The following GALNT15 variants were observed in gnomAD, a reference collection of about 807,000 sequenced individuals.
The protein encoded by GALNT15 is polypeptide N-acetylgalactosaminyltransferase 15, also known as UDP-GalNAc transferase T15.
In GALNT15, 67 loss-of-function variants were observed where a neutral mutation model predicts 66.8. The ratio of observed to expected loss-of-function variants is 1.00; its 90% confidence interval spans 0.82 to 1.23. GALNT15 has a LOEUF of 1.23. Ranked by LOEUF, GALNT15 falls within the 50% of genes most tolerant of loss-of-function variation. The pLI, the probability that GALNT15 is intolerant of heterozygous loss-of-function variation, is 0.00. For synonymous variants in GALNT15, 313 were observed against 311.5 expected (o/e 1.00, Z -0.05); for missense variants, 827 against 804.3 (o/e 1.03, Z -0.34).
At chr3:16,238,791 G>C in the GALNT15 span, among the ~76,000 whole-genome samples, 2 of 152,158 alleles carry the variant, frequency 1.3e-5, no homozygotes, top group African/African-American at 4.8e-5. This position sits in a 1 kb window ranked among gnomAD's most constrained non-coding sequence, Gnocchi z 4.8. Context: ...GTAAAAATAA[G>C]GGCCAGGTTG....
rs772161704 is a variant in GALNT15 at position 16,222,732 on chromosome 3, C to T, written c.1747C>T (p.His583Tyr). 6.2e-7 allele frequency: 1 copy of T among 1,614,180 alleles called. No homozygotes were observed. The highest frequency in any genetic ancestry group is 1.1e-5 in the South Asian group (1 of 91,076). The change falls in exon 9 of 10, where the codon CAC (histidine) becomes TAC (tyrosine). Residue 583 changes from histidine (H) to tyrosine (Y), a missense_variant. Physicochemically the swap from His to Tyr is moderately conservative, Grantham distance 83. Transcript: ENST00000339732. ...QNCTEEGLAI[H>Y]QQHWDFQENG... ...CTGCACGGAGGAAGGCCTGGCCATC[C>T]ACCAGCAGCACTGGGACTTCCAGGA...
chr3:16,236,130 A>AAAAAAAAAC, downstream of GALNT15, among the ~76,000 whole-genome samples: 1 of 147,518 alleles, frequency 6.8e-6, no homozygotes, highest in Non-Finnish European at 1.5e-5. Context: ...AAAAAAAAAA[A>AAAAAAAAAC]AGGACTGGGC....
At chr3:16,238,300 G>C in the GALNT15 span, among the ~76,000 whole-genome samples, 1 of 141,492 alleles carries the variant, frequency 7.1e-6, no homozygotes. This position sits in a 1 kb window ranked among gnomAD's most constrained non-coding sequence, Gnocchi z 4.8. Flanking sequence ...CCAAACATAT[G>C]TATTCACTGC....
rs1241819130 is a variant in GALNT15 at position 16,193,506 on chromosome 3, G to C, written c.540-2254G>C. Among the ~76,000 whole-genome samples, 1 of 152,108 alleles carries C rather than the reference G, an allele frequency of 6.6e-6. No homozygotes were observed. Among genetic ancestry groups the C allele is most frequent in the East Asian group, 1.9e-4 (1 of 5,192 alleles). ...ATTAGCTCCTTTATGAGATGTTTAT[G>C]TGTTTTTAAAAATTATTTAGGAATT... On this transcript the variant is annotated intron_variant, in intron 1 of 9. Transcript: ENST00000339732. This position sits in a 1 kb window ranked among gnomAD's most constrained non-coding sequence, Gnocchi z 4.7.
rs369518607 is a variant in GALNT15 at position 16,212,656 on chromosome 3, G to A, written c.1285G>A (p.Asp429Asn). ...AAATCAGGATTCCCATTCCCCCCTC[G>A]ACCAGGAGGCCACCCTGAGGAACAG... Reference protein sequence around the residue: ...YQNQDSHSPLDQEATLRNRVR... With the variant: ...YQNQDSHSPLNQEATLRNRVR... Residue 429 changes from aspartate (D) to asparagine (N), a missense_variant, in exon 6 of 10, where the codon GAC becomes AAC. Physicochemically the swap from Asp to Asn is conservative, Grantham distance 23 (BLOSUM62 1). Transcript: ENST00000339732. 2.0e-5 allele frequency: 33 copies of A among 1,613,598 alleles called. No individual in the cohort carries two copies. The highest frequency in any genetic ancestry group is 1.2e-4 in the African/African-American group (9 of 74,762).
chr3:16,216,677 G>A (rs866945546), intron 6 of GALNT15, among the ~76,000 whole-genome samples: 5 of 152,290 alleles, frequency 3.3e-5, no homozygotes, highest in Non-Finnish European at 4.4e-5. Flanking sequence ...TTCCCCTGGC[G>A]GGGGCTGTTC....
rs2063913954 is a variant in GALNT15 at position 16,219,198 on chromosome 3, A to G, written c.1393-205A>G. 6.6e-6 allele frequency among the ~76,000 whole-genome samples: 1 copy of G among 152,116 alleles called. No individual in the cohort carries two copies. Among genetic ancestry groups the G allele is most frequent in the Non-Finnish European group, 1.5e-5 (1 of 68,022 alleles). ...TCTTGCTGGTTCCACAACTCTCTGT[A>G]GGGAAGATCTGTGCTATTCTATCCC... is the stretch of plus-strand genomic sequence containing the variant. On this transcript the variant is annotated intron_variant, in intron 6 of 9. Transcript: ENST00000339732. This position sits in a 1 kb window ranked among gnomAD's most constrained non-coding sequence, Gnocchi z 4.3.
intron 4 of GALNT15, among the ~76,000 whole-genome samples, 179 bp from the exon 5 acceptor site, chr3:16,210,945 T>C (rs1021247987): frequency 6.6e-6 from 1 of 152,172 alleles, no homozygotes; most frequent in African/African-American, 2.4e-5. Context: ...CATCAAACAC[T>C]GGGATTTCTG....
At chr3:16,248,034 A>G in the GALNT15 span, among the ~76,000 whole-genome samples, 536 of 152,152 alleles carry the variant, frequency 3.5e-3, 2 homozygotes, top group African/African-American at 0.013. This position sits in a 1 kb window ranked among gnomAD's most constrained non-coding sequence, Gnocchi z 4.9. Flanking sequence ...CACCTGCTCC[A>G]TTTTCACTAC....
chr3:16,228,956 T>A lies in GALNT15; in HGVS notation c.*1456T>A, dbSNP rs2064052974. 1.0e-6 allele frequency: 1 copy of A among 985,338 alleles called. No homozygotes were observed. The highest frequency in any genetic ancestry group is 1.7e-5 in the African/African-American group (1 of 57,242). The allele number at this position is 985,338 out of a possible 1,614,324, so 61.0% of individuals were successfully genotyped here. ...GTAAGAGCTAAATGACTTTCCTTGC[T>A]ATGACTTGGCTTACCTGAATTAGCT... On this transcript the variant is annotated 3_prime_UTR_variant, in exon 10 of 10. Transcript: ENST00000339732.
the GALNT15 span, among the ~76,000 whole-genome samples, chr3:16,243,834 G>T: frequency 1.3e-5 from 2 of 152,184 alleles, no homozygotes; most frequent in South Asian, 4.1e-4. Flanking sequence ...GGAGCTATTT[G>T]GTCATTTTCA....
At position 16,227,388 on chromosome 3, in the gene GALNT15, G is replaced by A; in HGVS notation, c.1808G>A (p.Cys603Tyr). The change falls in exon 10 of 10, where the codon TGC (cysteine) becomes TAC (tyrosine). Residue 603 changes from cysteine to tyrosine, a missense_variant. Coordinates refer to ENST00000339732, the MANE Select transcript of GALNT15 (RefSeq NM_054110.5). This position sits in a 1 kb window ranked among gnomAD's most constrained non-coding sequence, Gnocchi z 4.5. ...ATTGTCCACATTCTTTCTGGGAAAT[G>A]CATGGAAGCTGTGGTGCAAGAAAAC... ...GMIVHILSGKCMEAVVQENNK... is the reference protein window; with the variant it reads ...GMIVHILSGKYMEAVVQENNK... 1 of 1,614,000 alleles carries A rather than the reference G, an allele frequency of 6.2e-7. No individual in the cohort carries two copies. Among genetic ancestry groups the A allele is most frequent in the East Asian group, 2.2e-5 (1 of 44,884 alleles).
chr3:16,222,589 G>A lies in GALNT15; in HGVS notation c.1630-26G>A, dbSNP rs376531926. The A allele has an allele frequency of 3.5e-5, 56 of 1,613,846 alleles. No individual in the cohort carries two copies. The African/African-American group carries it at 4.4e-4, about 13-fold the overall frequency. ...TTGAAGAGGATCTCTTTCTAGCTGCGCTAACAACTATTGCTTCTGTCACAG... is the reference window on the plus strand; with the variant it reads ...TTGAAGAGGATCTCTTTCTAGCTGCACTAACAACTATTGCTTCTGTCACAG... On this transcript the variant is annotated intron_variant, in intron 8 of 9. Coordinates refer to ENST00000339732, the MANE Select transcript of GALNT15 (RefSeq NM_054110.5).
intron 1 of GALNT15, among the ~76,000 whole-genome samples, chr3:16,194,703 CATT>C (rs1253642096): frequency 1.3e-5 from 2 of 152,158 alleles, no homozygotes; most frequent in African/African-American, 4.8e-5. Flanking sequence ...AGCTGGAAAA[CATT>C]ATCCTCAGCA....
At chr3:16,231,510 C>T (rs1285271567), downstream of GALNT15, among the ~76,000 whole-genome samples, 4 of 152,144 alleles carry the variant, frequency 2.6e-5, no homozygotes, top group South Asian at 2.1e-4. This position sits in a 1 kb window ranked among gnomAD's most constrained non-coding sequence, Gnocchi z 4.1. Context: ...GAAGGCTCTA[C>T]GTAATACCAA....
chr3:16,216,439 T>C (rs1574993183), intron 6 of GALNT15, among the ~76,000 whole-genome samples: 1 of 150,394 alleles, frequency 6.6e-6, no homozygotes, highest in East Asian at 2.0e-4. Context: ...GTGGAGTTTG[T>C]AGTGAGCTGA....
intron 3 of GALNT15, 95 bp from the exon 4 acceptor site, chr3:16,208,408 G>A (rs745308863): frequency 2.0e-5 from 25 of 1,243,624 alleles, no homozygotes; most frequent in Admixed American, 6.2e-5. Context: ...CGGGTGTCTG[G>A]TAGCCACCAT....
In GALNT15 at chr3:16,182,316, C is replaced by T. The variant is rs892480093; in HGVS notation, c.539+6626C>T. Among the ~76,000 whole-genome samples, 1 of 152,138 alleles carries T rather than the reference C, an allele frequency of 6.6e-6. No individual in the cohort carries two copies. The highest frequency in any genetic ancestry group is 1.5e-5 in the Non-Finnish European group (1 of 68,028). On this transcript the variant is annotated intron_variant, in intron 1 of 9. Transcript: ENST00000339732. The surrounding 1 kb of genome is among the most constrained non-coding windows in gnomAD (Gnocchi z 6.1). ...TCACAGCCCCCACTCACATTAGAAC[C>T]AATGAGTCGTCATGTCAAGGCTCCA...
rs558364646 is a variant in GALNT15 at position 16,207,272 on chromosome 3, C to T, written c.912-1231C>T. 1.2e-4 allele frequency among the ~76,000 whole-genome samples: 18 copies of T among 152,196 alleles called. No homozygotes were observed. In the East Asian group the frequency reaches 3.3e-3, roughly 28 times the overall value. ...AGTATCTCCCCTCCCAGGAATCTCACTTCTCTTAGAGTGATATCTTCTAGC... is the reference window on the plus strand; with the variant it reads ...AGTATCTCCCCTCCCAGGAATCTCATTTCTCTTAGAGTGATATCTTCTAGC... On this transcript the variant is annotated intron_variant, in intron 3 of 9. Transcript: ENST00000339732.
Sources: allele counts gnomAD v4.1 joint callset (sites outside exome capture counted in the v4.1 genomes callset), GRCh38; gene constraint gnomAD v4.1.1; non-coding constraint Gnocchi (gnomAD v3.1); transcripts MANE v1.5; gene names NCBI Gene and HGNC (gene_info 2026-07-23, HGNC 2026-07-21).